The following TXNRD2 variants were observed in gnomAD, a reference collection of about 807,000 sequenced individuals.
TXNRD2 encodes the protein thioredoxin reductase 2.
In TXNRD2, 67 loss-of-function variants were observed where a neutral mutation model predicts 70.8. The ratio of observed to expected loss-of-function variants is 0.95; its 90% CI spans 0.78 to 1.16. The LOEUF is 1.16. Among genes scored for constraint, TXNRD2 ranks in the 50% most tolerant of loss-of-function variants. TXNRD2 has a pLI of 0.00. For missense variants in TXNRD2, 644 were observed against 719.9 expected (o/e 0.89, Z 1.21); for synonymous variants, 301 against 295.8 (o/e 1.02, Z -0.18).
chr22:19,883,180 G>A, intron 12 of TXNRD2, 145 bp downstream of exon 12: 1 of 1,038,262 alleles, frequency 9.6e-7, no homozygotes, highest in Non-Finnish European at 1.4e-6. Context: ...CTCCAGACAG[G>A]CTGGCCCTGG....
chr22:19,890,890 G>T (rs992627626), intron 11 of TXNRD2, among the ~76,000 whole-genome samples: 12 of 152,178 alleles, frequency 7.9e-5, no homozygotes, highest in African/African-American at 2.9e-4. Context: ...CAGGGCTGCA[G>T]CCCACCCTGG....
chr22:19,940,671 CCTTTT>C (rs1315279221), intron 1 of TXNRD2, among the ~76,000 whole-genome samples: 2 of 152,154 alleles, frequency 1.3e-5, no homozygotes, highest in African/African-American at 4.8e-5. Flanking sequence ...TGCCGAATCC[CCTTTT>C]ATGGGACTCC....
intron 8 of TXNRD2, 108 bp from the exon 9 acceptor site, chr22:19,899,176 G>T: frequency 2.1e-6 from 3 of 1,418,570 alleles, no homozygotes; most frequent in Non-Finnish European, 9.8e-7. Context: ...GTCAGCTCGT[G>T]GGCTCCAAGG....
rs1392910987 is a variant in TXNRD2 at position 19,895,456 on chromosome 22, G to A, written c.900C>T (p.Thr300=). The change falls in exon 11 of 18, where the codon ACC becomes ACT. Residue 300 remains threonine (T), a synonymous_variant. Transcript: ENST00000400521. ...AGGTGCCCGTGTCCTCCTTGCCGGT[G>A]GTGCTGTCCTCCCAGGTGACCTGCA... ...GQLQVTWEDS[T]TGKEDTGTFD... 1.9e-6 allele frequency: 3 copies of A among 1,614,012 alleles called. No homozygotes were observed. Among genetic ancestry groups the A allele is most frequent in the Non-Finnish European group, 2.5e-6 (3 of 1,180,026 alleles).
chr22:19,877,328 G>C, intron 16 of TXNRD2, 94 bp from the exon 17 acceptor site: 1 of 1,195,468 alleles, frequency 8.4e-7, no homozygotes, highest in Admixed American at 1.9e-5. Context: ...CTCAGAGGCT[G>C]CTGGTCTCCT....
intron 10 of TXNRD2, among the ~76,000 whole-genome samples, chr22:19,896,142 C>T (rs982644150): frequency 6.6e-6 from 1 of 151,932 alleles, no homozygotes; most frequent in Admixed American, 6.6e-5. Context: ...CTAAAAAACA[C>T]AAAAAATTAG....
intron 8 of TXNRD2, among the ~76,000 whole-genome samples, chr22:19,907,156 G>A (rs1601429949): frequency 2.0e-5 from 2 of 100,274 alleles, no homozygotes; most frequent in Non-Finnish European, 3.9e-5. Flanking sequence ...AGCACTGACC[G>A]CTCTCAGGAG....
In TXNRD2 at chr22:19,889,313, C is replaced by G. The variant is rs374856483; in HGVS notation, c.950-5852G>C. On this transcript the variant is annotated intron_variant, in intron 11 of 17. Transcript: ENST00000400521. ...GCTCTGTGGCGAGTGGTCATTATTG[C>G]TTTAACAGTTATTATTAGACCGGGT... Among the ~76,000 whole-genome samples, 24 of 152,318 alleles carry G rather than the reference C, an allele frequency of 1.6e-4. No homozygotes were observed. In the South Asian group the frequency reaches 5.0e-3, roughly 32 times the overall value.
chr22:19,932,515 T>C (rs1941405363), intron 1 of TXNRD2: 2 of 1,563,890 alleles, frequency 1.3e-6, no homozygotes, highest in African/African-American at 1.3e-5. Context: ...AGGGAGGAAG[T>C]AGAGAGGGGA....
chr22:19,898,261 G>A (rs1418060910), intron 9 of TXNRD2, 131 bp from the exon 10 acceptor site: 2 of 814,208 alleles, frequency 2.5e-6, no homozygotes, highest in African/African-American at 1.7e-5. Flanking sequence ...CCCAACTCAA[G>A]ACCCCCACCT....
chr22:19,892,020 G>A (rs1369305828), intron 11 of TXNRD2, among the ~76,000 whole-genome samples: 1 of 152,222 alleles, frequency 6.6e-6, no homozygotes, highest in Non-Finnish European at 1.5e-5. Flanking sequence ...CGGGAGCTCT[G>A]TGCAGCACCT....
chr22:19,881,623 G>A (rs1050510475), intron 12 of TXNRD2, among the ~76,000 whole-genome samples: 3 of 152,236 alleles, frequency 2.0e-5, no homozygotes, highest in Non-Finnish European at 2.9e-5. Context: ...TCCAACACAG[G>A]AGCCTGGGAG....
intron 11 of TXNRD2, chr22:19,894,248 T>G (rs1047431355): frequency 1.3e-5 from 2 of 152,026 alleles, no homozygotes; most frequent in Admixed American, 6.6e-5. Flanking sequence ...GAAGGGTGAG[T>G]GCCCGGGCAG....
intron 8 of TXNRD2, among the ~76,000 whole-genome samples, chr22:19,902,576 C>A (rs571929861): frequency 1.3e-5 from 2 of 152,198 alleles, no homozygotes; most frequent in Non-Finnish European, 1.5e-5. Flanking sequence ...GGGGGTGCTA[C>A]GAAGGCCTCC....
At chr22:19,897,500 CAT>C (rs1939562472) in intron 10 of TXNRD2, among the ~76,000 whole-genome samples, 1 of 152,210 alleles carries the variant, frequency 6.6e-6, no homozygotes, top group Non-Finnish European at 1.5e-5. Flanking sequence ...CTGCTGGCCA[CAT>C]GAGTGTGTGT....
chr22:19,882,356 G>C (rs867150172), intron 12 of TXNRD2, among the ~76,000 whole-genome samples: 1 of 152,108 alleles, frequency 6.6e-6, no homozygotes. Context: ...GTGCCACCAC[G>C]CCTGGCTAAT....
At chr22:19,918,776 G>A in intron 4 of TXNRD2, 84 bp downstream of exon 4, 6 of 1,539,094 alleles carry the variant, frequency 3.9e-6, no homozygotes, top group South Asian at 3.4e-5. Flanking sequence ...TCCCCATGAG[G>A]GCTCATCGAG....
At chr22:19,910,791 T>G (rs933730504) in intron 8 of TXNRD2, 6 of 186,688 alleles carry the variant, frequency 3.2e-5, no homozygotes, top group African/African-American at 1.4e-4. Flanking sequence ...CAGATTTTTG[T>G]AGGCTGGGTG....
intron 11 of TXNRD2, among the ~76,000 whole-genome samples, chr22:19,892,550 A>G (rs1042935970): frequency 2.6e-5 from 4 of 152,266 alleles, no homozygotes; most frequent in Non-Finnish European, 2.9e-5. Context: ...TCTGCTGAGT[A>G]GGGAGGGGCC....
Sources: allele counts gnomAD v4.1 joint callset (sites outside exome capture counted in the v4.1 genomes callset), GRCh38; gene constraint gnomAD v4.1.1; transcripts MANE v1.5; gene names NCBI Gene and HGNC (gene_info 2026-07-23, HGNC 2026-07-21).